KIAA1143: variants seen among roughly 807,000 people sequenced by gnomAD.
KIAA1143 encodes the protein uncharacterized protein KIAA1143.
A neutral mutation model predicts 17.0 loss-of-function variants in KIAA1143; 8 were observed. The ratio of observed to expected loss-of-function variants is 0.47; its 90% CI spans 0.28 to 0.85. KIAA1143 has a LOEUF of 0.85. Ranked by LOEUF, KIAA1143 falls within the 40% of genes least tolerant of loss-of-function variation. KIAA1143 has a pLI of 0.12. For synonymous variants in KIAA1143, 64 were observed against 67.8 expected, an observed-to-expected ratio of 0.94 and a Z score of 0.27; for missense variants, 162 against 183.3, an observed-to-expected ratio of 0.88 and a Z score of 0.67.
rs527806223 is a variant in KIAA1143, at chr3:44,759,894, C to CAAAAAAA, written c.108+1594_108+1600dup. Among the ~76,000 whole-genome samples the CAAAAAAA allele has an allele frequency of 4.1e-4, 21 of 51,100 alleles. 3 individuals carry two copies. Among genetic ancestry groups the CAAAAAAA allele is most frequent in the East Asian group, 2.4e-3 (3 of 1,250 alleles). 33.5% of individuals were successfully genotyped at this position (51,100 alleles called of 152,430 possible). A position where few individuals can be genotyped will look rare whatever the true frequency, so the allele number is the denominator to read the frequency against. On this transcript the variant is annotated intron_variant, in intron 1 of 2. Coordinates refer to ENST00000296121, the MANE Select transcript of KIAA1143 (RefSeq NM_020696.4). ...TGGGCGACAGAGTGAGACCCTATCT[C>CAAAAAAA]AAAAAAAAAAAAAAAAAAAAAGTCC...
chr3:44,750,321 C>T lies in KIAA1143; in HGVS notation c.*3020G>A, dbSNP rs970310042. 2 of 152,132 alleles carry T rather than the reference C, an allele frequency of 1.3e-5. No individual in the cohort carries two copies. Among genetic ancestry groups the T allele is most frequent in the African/African-American group, 4.8e-5 (2 of 41,420 alleles). The allele number at this position is 152,132 out of a possible 1,614,324, so 9.4% of individuals were successfully genotyped here. A position where few individuals can be genotyped will look rare whatever the true frequency, so the allele number is the denominator to read the frequency against. On this transcript the variant is annotated 3_prime_UTR_variant, in exon 3 of 3. Transcript: ENST00000296121. ...TGTAATGTTTGAATTATACAGGAAA[C>T]ATTGTCAAGTGTGAGGTGGTGTTTA... is the stretch of plus-strand genomic sequence containing the variant.
intron 1 of KIAA1143, among the ~76,000 whole-genome samples, chr3:44,758,574 TCA>T: frequency 6.6e-6 from 1 of 152,292 alleles, no homozygotes; most frequent in East Asian, 1.9e-4. Flanking sequence ...AACAACTTAG[TCA>T]CATTTTCAGG....
chr3:44,756,142 A>C (rs1006526191), intron 1 of KIAA1143, among the ~76,000 whole-genome samples: 4 of 152,250 alleles, frequency 2.6e-5, no homozygotes, highest in African/African-American at 9.6e-5. Context: ...GAGAATAATT[A>C]ATTCTGACTC....
At chr3:44,756,570 AT>A (rs1704976928) in intron 1 of KIAA1143, among the ~76,000 whole-genome samples, 1 of 152,234 alleles carries the variant, frequency 6.6e-6, no homozygotes, top group African/African-American at 2.4e-5. Context: ...CTCAAAAAAA[AT>A]AAAAGTGAAT....
Position 44,757,646 on chromosome 3 carries a change from G to A in KIAA1143, c.109-3278C>T, listed in dbSNP as rs1014194748. Among the ~76,000 whole-genome samples, 7 of 152,288 alleles carry A rather than the reference G, an allele frequency of 4.6e-5. No homozygotes were observed. In the South Asian group the frequency reaches 1.4e-3, roughly 32 times the overall value. ...AAGATAAACAGGAAAGCAAGTAGTT[G>A]CAATATAAAATGAATGTTATAGATA... On this transcript the variant is annotated intron_variant, in intron 1 of 2. Transcript: ENST00000296121.
At chr3:44,760,010 C>G (rs1182409798) in intron 1 of KIAA1143, among the ~76,000 whole-genome samples, 1 of 151,060 alleles carries the variant, frequency 6.6e-6, no homozygotes, top group Non-Finnish European at 1.5e-5. Context: ...TTAGCTAGAT[C>G]TGAATAATTT....
At chr3:44,758,734 C>A (rs1705012663) in intron 1 of KIAA1143, among the ~76,000 whole-genome samples, 1 of 152,176 alleles carries the variant, frequency 6.6e-6, no homozygotes. Flanking sequence ...TGCCCTCTTC[C>A]CATGAATCAT....
At chr3:44,755,623 C>A (rs1274973970) in intron 1 of KIAA1143, among the ~76,000 whole-genome samples, 1 of 152,174 alleles carries the variant, frequency 6.6e-6, no homozygotes, top group Non-Finnish European at 1.5e-5. Context: ...GCTTATTAAG[C>A]CCCACAGCCC....
intron 1 of KIAA1143, among the ~76,000 whole-genome samples, chr3:44,758,384 A>T (rs1705008669): frequency 6.6e-6 from 1 of 152,210 alleles, no homozygotes; most frequent in Admixed American, 6.5e-5. Context: ...CTCCTTTCAA[A>T]ATTGGAATCA....
At chr3:44,757,735 C>T (rs1190465707) in intron 1 of KIAA1143, among the ~76,000 whole-genome samples, 1 of 152,092 alleles carries the variant, frequency 6.6e-6, no homozygotes, top group African/African-American at 2.4e-5. Flanking sequence ...TGAAGGGTTT[C>T]GGAGAGATGG....
intron 1 of KIAA1143, among the ~76,000 whole-genome samples, chr3:44,758,454 T>C (rs1705009667): frequency 6.6e-6 from 1 of 152,196 alleles, no homozygotes; most frequent in Non-Finnish European, 1.5e-5. Context: ...TTTATTGACA[T>C]TTCAACAATG....
Position 44,750,123 on chromosome 3 carries a change from A to G in KIAA1143, c.*3218T>C, listed in dbSNP as rs1393025178. ...CTTTATCTGACATAGAGGTTGGGAA[A>G]CAGAACAACAAAAAAAAATTGATAA... On this transcript the variant is annotated 3_prime_UTR_variant, in exon 3 of 3. Coordinates refer to ENST00000296121, the MANE Select transcript of KIAA1143 (RefSeq NM_020696.4). 6.6e-6 allele frequency: 1 copy of G among 152,234 alleles called. No individual in the cohort carries two copies. Among genetic ancestry groups the G allele is most frequent in the Non-Finnish European group, 1.5e-5 (1 of 68,042 alleles). 9.4% of individuals were successfully genotyped at this position (152,234 alleles called of 1,614,324 possible).
intron 1 of KIAA1143, among the ~76,000 whole-genome samples, chr3:44,756,416 A>C (rs1244370038): frequency 6.6e-6 from 1 of 152,032 alleles, no homozygotes; most frequent in Non-Finnish European, 1.5e-5. Flanking sequence ...TACAGAAATT[A>C]CCTCGGTGTG....
At chr3:44,756,449 C>T (rs1382846593) in intron 1 of KIAA1143, among the ~76,000 whole-genome samples, 1 of 152,088 alleles carries the variant, frequency 6.6e-6, no homozygotes, top group Non-Finnish European at 1.5e-5. Flanking sequence ...TGTAATCCCA[C>T]CTACTTGGGT....
At chr3:44,757,428 C>T (rs1575559392) in intron 1 of KIAA1143, among the ~76,000 whole-genome samples, 1 of 152,340 alleles carries the variant, frequency 6.6e-6, no homozygotes, top group Middle Eastern at 3.4e-3. Context: ...CCATTCTCTT[C>T]ATCTCTACCT....
At chr3:44,761,388 G>T in intron 1 of KIAA1143, 107 bp downstream of exon 1, 1 of 791,938 alleles carries the variant, frequency 1.3e-6, no homozygotes, top group African/African-American at 1.7e-5. Context: ...GGGTTCGAGC[G>T]CGGGTGAAAA....
At chr3:44,754,175 C>T (rs748930842) in intron 2 of KIAA1143, 49 bp downstream of exon 2, 2 of 1,586,234 alleles carry the variant, frequency 1.3e-6, no homozygotes, top group South Asian at 1.1e-5. Context: ...CAATTTCATA[C>T]CCTGGGCTCC....
At chr3:44,757,611 T>A (rs1704994524) in intron 1 of KIAA1143, among the ~76,000 whole-genome samples, 1 of 152,186 alleles carries the variant, frequency 6.6e-6, no homozygotes, top group Non-Finnish European at 1.5e-5. Context: ...AAGAGTTCAA[T>A]CTAGTGGTGA....
intron 1 of KIAA1143, among the ~76,000 whole-genome samples, chr3:44,759,902 A>AAAAAAAAAAAAAAAAAAAT: frequency 6.9e-6 from 1 of 145,692 alleles, no homozygotes; most frequent in Admixed American, 6.7e-5. Context: ...CTCAAAAAAA[A>AAAAAAAAAAAAAAAAAAAT]AAAAAAAAAA....
Sources: allele counts gnomAD v4.1 joint callset (sites outside exome capture counted in the v4.1 genomes callset), GRCh38; gene constraint gnomAD v4.1.1; transcripts MANE v1.5; gene names NCBI Gene and HGNC (gene_info 2026-07-23, HGNC 2026-07-21).